The following SPX variants were observed in gnomAD, a reference collection of about 807,000 sequenced individuals.
SPX encodes the protein spexin hormone, also known as spexin.
Under a neutral mutation model 19.2 loss-of-function variants are expected in SPX, and 22 were observed. That is an observed-to-expected ratio of 1.15 (90% CI 0.82 to 1.64). The LOEUF is 1.64. SPX is among the 40% of genes most tolerant of loss of function. The pLI is 0.00. For missense variants in SPX, 143 were observed against 137.7 expected (o/e 1.04, Z -0.19); for synonymous variants, 50 against 53.3 (o/e 0.94, Z 0.27).
chr12:21,526,872 A>G lies in SPX; in HGVS notation c.7-14A>G. On this transcript the variant is annotated splice_polypyrimidine_tract_variant and intron_variant, in intron 1 of 5. Coordinates refer to ENST00000256969, the MANE Select transcript of SPX (RefSeq NM_030572.4). ...GCACAGAAATGACCCTTTCTGGTTG[A>G]TCGCTTCATATAGGGACTCAGAAGT... is the stretch of plus-strand genomic sequence containing the variant. 6.2e-7 allele frequency: 1 copy of G among 1,612,866 alleles called. No homozygotes were observed. Among genetic ancestry groups the G allele is most frequent in the Non-Finnish European group, 8.5e-7 (1 of 1,178,884 alleles).
At chr12:21,528,889 G>A in intron 4 of SPX, 112 bp from the exon 5 acceptor site, 1 of 959,828 alleles carries the variant, frequency 1.0e-6, no homozygotes, top group Admixed American at 1.9e-5. Context: ...TTGTTGAGGG[G>A]TCAAAATCTA....
rs1303088527 is a variant in SPX, at chr12:21,532,154, A to G, written c.*959A>G. Reference sequence around the variant, plus strand: ...TCTGAATACACACACATGCACATATACCCACACACGCATACACACATACTC... The same window carrying G: ...TCTGAATACACACACATGCACATATGCCCACACACGCATACACACATACTC... On this transcript the variant is annotated 3_prime_UTR_variant, in exon 6 of 6. Transcript: ENST00000256969. 6.6e-6 allele frequency: 1 copy of G among 152,216 alleles called. No homozygotes were observed. Among genetic ancestry groups the G allele is most frequent in the Non-Finnish European group, 1.5e-5 (1 of 68,034 alleles). The allele number at this position is 152,216 out of a possible 1,614,324, so 9.4% of individuals were successfully genotyped here. A position where few individuals can be genotyped will look rare whatever the true frequency, so the allele number is the denominator to read the frequency against.
In SPX at chr12:21,531,161, C is replaced by T; in HGVS notation, c.317C>T (p.Thr106Ile). 2 of 1,594,512 alleles carry T rather than the reference C, an allele frequency of 1.3e-6. No individual in the cohort carries two copies. The highest frequency in any genetic ancestry group is 1.7e-6 in the Non-Finnish European group (2 of 1,168,330). ...PEDEEKNFDQ[T>I]RFLEDSLLNW is the part of the protein sequence containing the mutation. ...GATGAAGAAAAAAACTTTGATCAAA[C>T]CAGATTCCTGGAAGACAGTCTGCTT... Residue 106 changes from threonine (T) to isoleucine (I), a missense_variant, in exon 6 of 6, where the codon ACC becomes ATC. Transcript: ENST00000256969.
rs542776546 is a variant in SPX, at chr12:21,531,232, T to C, written c.*37T>C. The C allele has an allele frequency of 1.3e-5, 19 of 1,451,376 alleles. No homozygotes were observed. In the African/African-American group the frequency reaches 2.6e-4, roughly 20 times the overall value. 89.9% of individuals were successfully genotyped at this position (1,451,376 alleles called of 1,614,324 possible). On this transcript the variant is annotated 3_prime_UTR_variant, in exon 6 of 6. Transcript: ENST00000256969. ...ATTATGTTTAATTATGGTTCTATTC[T>C]CTTTGAAAACATGAACCATGTGAAT... is the stretch of plus-strand genomic sequence containing the variant.
At chr12:21,526,741 G>A in intron 1 of SPX, 145 bp from the exon 2 acceptor site, 1 of 825,678 alleles carries the variant, frequency 1.2e-6, no homozygotes, top group South Asian at 1.7e-5. Flanking sequence ...CTAGAAGGTA[G>A]AAGGGAAACA....
chr12:21,527,904 G>T, intron 4 of SPX, 115 bp downstream of exon 4: 1 of 1,221,758 alleles, frequency 8.2e-7, no homozygotes, highest in South Asian at 1.4e-5. Flanking sequence ...GGAAAGACGC[G>T]GCTCTGAGGC....
Position 21,531,170 on chromosome 12 carries a change from T to C in SPX, c.326T>C (p.Leu109Pro). Reference protein sequence around the residue: ...EEKNFDQTRFLEDSLLNW With the variant: ...EEKNFDQTRFPEDSLLNW ...AAAAACTTTGATCAAACCAGATTCC[T>C]GGAAGACAGTCTGCTTAACTGGTGA... The change falls in exon 6 of 6, where the codon CTG (leucine) becomes CCG (proline). Residue 109 changes from leucine (L) to proline (P), a missense_variant. Physicochemically the swap from Leu to Pro is moderately conservative, Grantham distance 98 (BLOSUM62 -3). Coordinates refer to ENST00000256969, the MANE Select transcript of SPX (RefSeq NM_030572.4). 6.3e-7 allele frequency: 1 copy of C among 1,595,896 alleles called. No homozygotes were observed. The highest frequency in any genetic ancestry group is 8.5e-7 in the Non-Finnish European group (1 of 1,169,780).
At chr12:21,530,632 C>T (rs1638299235) in intron 5 of SPX, among the ~76,000 whole-genome samples, 1 of 152,100 alleles carries the variant, frequency 6.6e-6, no homozygotes, top group African/African-American at 2.4e-5. Flanking sequence ...TCTAAAGTTT[C>T]GCGATCCCAG....
chr12:21,530,380 T>C (rs1027204544), intron 5 of SPX, among the ~76,000 whole-genome samples: 3 of 152,198 alleles, frequency 2.0e-5, no homozygotes, highest in Non-Finnish European at 4.4e-5. Context: ...TGGTTTAAAG[T>C]GTGCTAGAAA....
rs1943876148 is a variant in SPX, at chr12:21,532,567, A to G, written c.*1372A>G. 1.3e-5 allele frequency: 2 copies of G among 152,192 alleles called. No homozygotes were observed. Among genetic ancestry groups the G allele is most frequent in the South Asian group, 4.1e-4 (2 of 4,834 alleles). 9.4% of individuals were successfully genotyped at this position (152,192 alleles called of 1,614,324 possible). ...TAATTATGATTTGATTTGAAAGTAG[A>G]CTTACTAGGTAGTGCTTACATCTGA... On this transcript the variant is annotated 3_prime_UTR_variant, in exon 6 of 6. Transcript: ENST00000256969.
chr12:21,526,487 A>C lies in SPX; in HGVS notation c.6+9A>C, dbSNP rs1943815918. On this transcript the variant is annotated intron_variant, in intron 1 of 5. Transcript: ENST00000256969. ...AGACGCAGAACATGAAGGTAAGTAA[A>C]GGCTTTATTAACTTGAGACTTCTTA... 2.5e-6 allele frequency: 4 copies of C among 1,592,348 alleles called. No homozygotes were observed. The highest frequency in any genetic ancestry group is 1.7e-5 in the Admixed American group (1 of 59,770).
intron 3 of SPX, 52 bp from the exon 4 acceptor site, chr12:21,527,675 C>G (rs7966780): frequency 0.66 from 1,008,176 of 1,533,286 alleles, 333,517 homozygotes; most frequent in Admixed American, 0.78. Flanking sequence ...AGGTTTAAGC[C>G]CGGGTTGTCC....
intron 5 of SPX, among the ~76,000 whole-genome samples, chr12:21,529,743 T>G (rs768581285): frequency 6.6e-6 from 1 of 152,238 alleles, no homozygotes; most frequent in African/African-American, 2.4e-5. Flanking sequence ...AAAGCAGGTC[T>G]CAGGCTCTGG....
In SPX at chr12:21,526,324, G is replaced by A; in HGVS notation, c.-149G>A. On this transcript the variant is annotated 5_prime_UTR_variant, in exon 1 of 6. Transcript: ENST00000256969. ...AGATTCTCAATCTTGCTTGAAGACT[G>A]ACAAGATGTCCCTGTGGACTCCCAA... 1 of 593,370 alleles carries A rather than the reference G, an allele frequency of 1.7e-6. No individual in the cohort carries two copies. Among genetic ancestry groups the A allele is most frequent in the East Asian group, 2.8e-5 (1 of 35,634 alleles). 36.8% of individuals were successfully genotyped at this position (593,370 alleles called of 1,614,324 possible). A position where few individuals can be genotyped will look rare whatever the true frequency, so the allele number is the denominator to read the frequency against.
chr12:21,526,597 G>C, intron 1 of SPX, 119 bp downstream of exon 1: 2 of 968,518 alleles, frequency 2.1e-6, no homozygotes, highest in Non-Finnish European at 1.5e-6. Context: ...TGAACGATAC[G>C]CCTTTAGAAT....
At chr12:21,526,516 A>AT (rs748234893) in intron 1 of SPX, 38 bp downstream of exon 1, 4 of 1,576,172 alleles carry the variant, frequency 2.5e-6, no homozygotes, top group African/African-American at 1.3e-5. Context: ...CTTCTTAGCT[A>AT]TTTTTTAAAA....
At chr12:21,527,489 A>G (rs968215838) in intron 3 of SPX, 3 of 603,584 alleles carry the variant, frequency 5.0e-6, no homozygotes, top group South Asian at 2.1e-5. Flanking sequence ...CTCCGCTCCA[A>G]AGCGCCCTTG....
chr12:21,526,915 G>C lies in SPX; in HGVS notation c.36G>C (p.Leu12Phe). 2 of 1,614,180 alleles carry C rather than the reference G, an allele frequency of 1.2e-6. No individual in the cohort carries two copies. Among genetic ancestry groups the C allele is most frequent in the Non-Finnish European group, 8.5e-7 (1 of 1,180,028 alleles). The change falls in exon 2 of 6, where the codon TTG becomes TTC. Residue 12 changes from leucine to phenylalanine, a missense_variant. Transcript: ENST00000256969. ...KGLRSLAATT[L>F]ALFLVFVFLG... ...TCAGAAGTCTGGCAGCAACAACCTTGGCTCTTTTCCTGGTGTTTGTTTTCC... is the reference window on the plus strand; with the variant it reads ...TCAGAAGTCTGGCAGCAACAACCTTCGCTCTTTTCCTGGTGTTTGTTTTCC...
Position 21,531,085 on chromosome 12 carries a change from C to T in SPX, c.293-52C>T, listed in dbSNP as rs79971537. ...GATTCTCTTTGTCTTACCTTTTCCTCTATTAAAACGCAGAGTGTATATTTA... is the reference window on the plus strand; with the variant it reads ...GATTCTCTTTGTCTTACCTTTTCCTTTATTAAAACGCAGAGTGTATATTTA... On this transcript the variant is annotated intron_variant, in intron 5 of 5. Coordinates refer to ENST00000256969, the MANE Select transcript of SPX (RefSeq NM_030572.4). 8.2e-3 allele frequency: 8,912 copies of T among 1,081,690 alleles called. 290 individuals are homozygous for T. The African/African-American group carries it at 0.089, about 11-fold the overall frequency. The allele number at this position is 1,081,690 out of a possible 1,614,324, so 67.0% of individuals were successfully genotyped here.
Sources: allele counts gnomAD v4.1 joint callset (sites outside exome capture counted in the v4.1 genomes callset), GRCh38; gene constraint gnomAD v4.1.1; transcripts MANE v1.5; gene names NCBI Gene and HGNC (gene_info 2026-07-23, HGNC 2026-07-21).